Variants in PLA2G4A observed in about 807,000 individuals in gnomAD.
PLA2G4A encodes the protein phospholipase A2 group IVA.
A neutral mutation model predicts 81.9 loss-of-function variants in PLA2G4A; 40 were observed. The ratio of observed to expected loss-of-function variants is 0.49; its 90% CI spans 0.38 to 0.64. The LOEUF is 0.64. Ranked by LOEUF, PLA2G4A falls within the 30% of genes least tolerant of loss-of-function variation. The pLI, the probability that PLA2G4A is intolerant of heterozygous loss-of-function variation, is 0.00. For synonymous variants in PLA2G4A, 302 were observed against 296.9 expected, an observed-to-expected ratio of 1.02 and a Z score of -0.18; for missense variants, 715 against 905.1, an observed-to-expected ratio of 0.79 and a Z score of 2.69.
rs117576667 is a variant in PLA2G4A at position 186,952,422 on chromosome 1, T to C, written c.1336+1694T>C. 2.0e-5 allele frequency among the ~76,000 whole-genome samples: 3 copies of C among 152,328 alleles called. No individual in the cohort carries two copies. In the East Asian group the frequency reaches 5.8e-4, roughly 29 times the overall value. ...TTACATAGAGTTTTTAGAGCAGTTT[T>C]AGGCTCAAAGCAAAACTGAGCACAA... On this transcript the variant is annotated intron_variant, in intron 13 of 17. Coordinates refer to ENST00000367466, the MANE Select transcript of PLA2G4A (RefSeq NM_024420.3).
intron 3 of PLA2G4A, among the ~76,000 whole-genome samples, chr1:186,881,907 G>A (rs1653747686): frequency 6.6e-6 from 1 of 152,150 alleles, no homozygotes; most frequent in African/African-American, 2.4e-5. Context: ...CAGACTTCAT[G>A]TGAGACTCTT....
intron 5 of PLA2G4A, among the ~76,000 whole-genome samples, chr1:186,900,501 C>A (rs1295563880): frequency 6.6e-6 from 1 of 152,096 alleles, no homozygotes; most frequent in Admixed American, 6.5e-5. Flanking sequence ...CCAAAATGAA[C>A]TTGTTATTTA....
At position 186,939,245 on chromosome 1, in the gene PLA2G4A, A is replaced by T; in HGVS notation, c.918+15A>T. Reference sequence around the variant, plus strand: ...TAATTCATAATGTAAGTTACAGTTCAATCTACACTGCTTTTATAACAAGTA... The same window carrying T: ...TAATTCATAATGTAAGTTACAGTTCTATCTACACTGCTTTTATAACAAGTA... On this transcript the variant is annotated intron_variant, in intron 9 of 17. Transcript: ENST00000367466. 1 of 1,114,270 alleles carries T rather than the reference A, an allele frequency of 9.0e-7. No homozygotes were observed. 69.0% of individuals were successfully genotyped at this position (1,114,270 alleles called of 1,614,324 possible).
chr1:186,921,849 C>T (rs1655364747), intron 7 of PLA2G4A, among the ~76,000 whole-genome samples: 1 of 152,138 alleles, frequency 6.6e-6, no homozygotes, highest in Non-Finnish European at 1.5e-5. Context: ...CTCTTGACCA[C>T]TGTGGGGGGT....
intron 1 of PLA2G4A, among the ~76,000 whole-genome samples, chr1:186,836,171 T>C (rs1651769081): frequency 6.6e-6 from 1 of 151,612 alleles, no homozygotes; most frequent in Non-Finnish European, 1.5e-5. Flanking sequence ...TAATAAGCTA[T>C]TTATATGAAT....
At chr1:186,935,920 C>T (rs1220010142) in intron 8 of PLA2G4A, among the ~76,000 whole-genome samples, 1 of 151,832 alleles carries the variant, frequency 6.6e-6, no homozygotes, top group African/African-American at 2.4e-5. Context: ...CTGCTACTAC[C>T]TTTATGGTAA....
At chr1:186,884,988 G>A (rs185392075) in intron 3 of PLA2G4A, among the ~76,000 whole-genome samples, 62 of 152,176 alleles carry the variant, frequency 4.1e-4, no homozygotes, top group African/African-American at 1.4e-3. Context: ...TTGGAGGGGA[G>A]TGATAGGGAT....
At chr1:186,963,414 T>G (rs1341195637) in intron 14 of PLA2G4A, among the ~76,000 whole-genome samples, 1 of 152,208 alleles carries the variant, frequency 6.6e-6, no homozygotes, top group Non-Finnish European at 1.5e-5. Flanking sequence ...TTGTAAATAC[T>G]TATTAAGAAA....
At chr1:186,837,517 C>G (rs1319014745) in intron 1 of PLA2G4A, among the ~76,000 whole-genome samples, 5 of 151,154 alleles carry the variant, frequency 3.3e-5, no homozygotes, top group Non-Finnish European at 7.4e-5. Context: ...ATCACGAGGT[C>G]AGGAGATCAA....
In PLA2G4A at chr1:186,876,606, T is replaced by C. The variant is rs148900092; in HGVS notation, c.115+6090T>C. Among the ~76,000 whole-genome samples the C allele has an allele frequency of 2.6e-5, 4 of 152,222 alleles. No homozygotes were observed. The East Asian group carries it at 5.8e-4, about 22-fold the overall frequency. On this transcript the variant is annotated intron_variant, in intron 3 of 17. Coordinates refer to ENST00000367466, the MANE Select transcript of PLA2G4A (RefSeq NM_024420.3). ...CTGGCATCAACCCGTCTGTTAAATG[T>C]TGTCTTCGTGGATTCTGGCCATCCA...
intron 15 of PLA2G4A, among the ~76,000 whole-genome samples, chr1:186,972,149 C>G (rs1208495269): frequency 1.3e-5 from 2 of 152,090 alleles, no homozygotes; most frequent in Non-Finnish European, 1.5e-5. Flanking sequence ...TTAATGACAT[C>G]AGTGTGACAC....
chr1:186,889,775 C>CTCT (rs386369005), intron 3 of PLA2G4A, among the ~76,000 whole-genome samples: 3 of 151,364 alleles, frequency 2.0e-5, no homozygotes, highest in African/African-American at 7.3e-5. Flanking sequence ...TTGTTTAGAC[C>CTCT]TCTGTACTTC....
At chr1:186,934,475 G>C (rs60197104) in intron 8 of PLA2G4A, among the ~76,000 whole-genome samples, 42,974 of 88,668 alleles carry the variant, frequency 0.48, 8,970 homozygotes, top group African/African-American at 0.64. Flanking sequence ...CATACACAGA[G>C]AGAGTAATTA....
intron 7 of PLA2G4A, among the ~76,000 whole-genome samples, chr1:186,932,260 TTTA>T (rs1042975507): frequency 3.3e-5 from 5 of 151,806 alleles, no homozygotes; most frequent in African/African-American, 1.2e-4. Flanking sequence ...CATTGCTTTT[TTTA>T]TTTTCTTATA....
chr1:186,854,905 A>C (rs1363218332), intron 2 of PLA2G4A, among the ~76,000 whole-genome samples: 1 of 151,956 alleles, frequency 6.6e-6, no homozygotes, highest in Non-Finnish European at 1.5e-5. Context: ...CAGTGGAAGT[A>C]TACATGCTCT....
intron 6 of PLA2G4A, among the ~76,000 whole-genome samples, chr1:186,910,995 G>A (rs1449349883): frequency 2.0e-5 from 3 of 152,186 alleles, no homozygotes; most frequent in Non-Finnish European, 4.4e-5. Flanking sequence ...ACTTATCAGA[G>A]GCTGTTTGTT....
chr1:186,975,653 G>A (rs1378153580), intron 15 of PLA2G4A, among the ~76,000 whole-genome samples: 1 of 152,214 alleles, frequency 6.6e-6, no homozygotes, highest in Non-Finnish European at 1.5e-5. Context: ...GGGATTGGGA[G>A]CCTGCTATGT....
chr1:186,932,529 G>A (rs1392394533), intron 7 of PLA2G4A, among the ~76,000 whole-genome samples: 1 of 151,966 alleles, frequency 6.6e-6, no homozygotes, highest in African/African-American at 2.4e-5. Flanking sequence ...TCGAACTCCT[G>A]ACTTCAGGTG....
rs191929154 is a variant in PLA2G4A, at chr1:186,883,120, G to A, written c.116-9891G>A. The stretch of plus-strand genomic sequence containing the variant: ...TTCAAGGTATTTTTGAGGCATTTGA[G>A]AGCAGATTTAAGATTTCAGAATGGA... On this transcript the variant is annotated intron_variant, in intron 3 of 17. Transcript: ENST00000367466. Among the ~76,000 whole-genome samples the A allele has an allele frequency of 5.2e-3, 796 of 152,130 alleles. 7 individuals carry two copies. The highest frequency in any genetic ancestry group is 7.6e-3 in the Non-Finnish European group (518 of 67,996).
Sources: allele counts gnomAD v4.1 joint callset (sites outside exome capture counted in the v4.1 genomes callset), GRCh38; gene constraint gnomAD v4.1.1; transcripts MANE v1.5; gene names NCBI Gene and HGNC (gene_info 2026-07-23, HGNC 2026-07-21).